NDUFS4: variants seen among roughly 807,000 people sequenced by gnomAD.
NDUFS4 encodes NADH:ubiquinone oxidoreductase subunit S4, also known as NADH dehydrogenase [ubiquinone] iron-sulfur protein 4, mitochondrial.
NDUFS4 carries 28 observed loss-of-function variants against 24.3 expected under a neutral mutation model. That is an observed-to-expected ratio of 1.15 (90% confidence interval 0.85 to 1.58). NDUFS4 has a LOEUF of 1.58. Ranked by LOEUF, NDUFS4 falls within the 40% of genes most tolerant of loss-of-function variation. The pLI is 0.00. For missense variants in NDUFS4, 223 were observed against 207.9 expected (o/e 1.07, Z -0.45); for synonymous variants, 93 against 69.7 (o/e 1.34, Z -1.67).
chr5:53,660,647 C>T (rs958978772), intron 4 of NDUFS4, among the ~76,000 whole-genome samples: 30 of 152,108 alleles, frequency 2.0e-4, no homozygotes, highest in African/African-American at 6.5e-4. Flanking sequence ...TTCTCCACAT[C>T]CTCTCCAGCA....
At chr5:53,573,785 G>T in intron 1 of NDUFS4, 1 of 259,436 alleles carries the variant, frequency 3.9e-6, no homozygotes, top group South Asian at 3.9e-5. Flanking sequence ...TGTAGAGACA[G>T]GTTGCTATAT....
Position 53,640,456 on chromosome 5 carries a change from G to C in NDUFS4, c.178-5777G>C, listed in dbSNP as rs148914337. Among the ~76,000 whole-genome samples, 1,053 of 152,248 alleles carry C rather than the reference G, an allele frequency of 6.9e-3. 16 individuals are homozygous for C. The highest frequency in any genetic ancestry group is 0.024 in the African/African-American group (1,008 of 41,556). ...GTTTATGGTTCTGTAGGCTGTGCAA[G>C]AAGCATGGTGCCATCATATGCTTCT... is the stretch of plus-strand genomic sequence containing the variant. On this transcript the variant is annotated intron_variant, in intron 2 of 4. Transcript: ENST00000296684.
intron 2 of NDUFS4, among the ~76,000 whole-genome samples, chr5:53,618,358 A>T (rs2112474902): frequency 6.6e-6 from 1 of 152,094 alleles, no homozygotes; most frequent in East Asian, 1.9e-4. Flanking sequence ...TGGAGTTGTT[A>T]GCCTGGAGAG....
intron 3 of NDUFS4, among the ~76,000 whole-genome samples, chr5:53,648,242 G>T (rs1211603311): frequency 6.6e-6 from 1 of 152,128 alleles, no homozygotes; most frequent in Non-Finnish European, 1.5e-5. Context: ...ATAAGGAAGG[G>T]ATGGAATCGG....
chr5:53,608,866 A>G (rs1240342008), intron 2 of NDUFS4, among the ~76,000 whole-genome samples: 1 of 152,208 alleles, frequency 6.6e-6, no homozygotes, highest in Non-Finnish European at 1.5e-5. Flanking sequence ...TAACAATTGT[A>G]TTGTATTATA....
chr5:53,603,932 C>T (rs1750414320), intron 2 of NDUFS4, among the ~76,000 whole-genome samples: 1 of 152,056 alleles, frequency 6.6e-6, no homozygotes, highest in Admixed American at 6.5e-5. Context: ...TTTATTATCA[C>T]TATATGTATA....
At chr5:53,586,110 C>T (rs574510155) in intron 1 of NDUFS4, among the ~76,000 whole-genome samples, 104 of 152,084 alleles carry the variant, frequency 6.8e-4, no homozygotes, top group Non-Finnish European at 1.1e-3. Flanking sequence ...AGGTGGATCA[C>T]TTGAGGTCAG....
At chr5:53,565,984 C>A (rs1022863228) in intron 1 of NDUFS4, among the ~76,000 whole-genome samples, 7 of 151,208 alleles carry the variant, frequency 4.6e-5, no homozygotes, top group African/African-American at 1.7e-4. Flanking sequence ...CCAGCCTGGC[C>A]AACATGGTGA....
chr5:53,653,069 T>C (rs534932779), intron 3 of NDUFS4, among the ~76,000 whole-genome samples: 2 of 152,182 alleles, frequency 1.3e-5, no homozygotes, highest in Non-Finnish European at 1.5e-5. Context: ...TTAATGTACA[T>C]TGGTCATTGA....
chr5:53,587,580 C>CT (rs11331609), intron 1 of NDUFS4, among the ~76,000 whole-genome samples: 46 of 143,062 alleles, frequency 3.2e-4, no homozygotes, highest in African/African-American at 5.2e-4. Flanking sequence ...TCCCTAAATA[C>CT]TTTTTTTTTT....
intron 2 of NDUFS4, among the ~76,000 whole-genome samples, chr5:53,618,955 A>G (rs1750940418): frequency 6.6e-6 from 1 of 151,602 alleles, no homozygotes; most frequent in Non-Finnish European, 1.5e-5. Flanking sequence ...CCCTACTAAA[A>G]TACAAAACAT....
intron 4 of NDUFS4, among the ~76,000 whole-genome samples, chr5:53,662,822 C>G (rs116723832): frequency 0.019 from 2,861 of 151,886 alleles, 54 homozygotes; most frequent in Middle Eastern, 0.078. Context: ...TAACTAAGAT[C>G]AGTTCTGCCC....
intron 2 of NDUFS4, among the ~76,000 whole-genome samples, chr5:53,605,352 G>T (rs575523904): frequency 1.3e-5 from 2 of 152,218 alleles, no homozygotes; most frequent in East Asian, 3.9e-4. Context: ...TAACTCTCAG[G>T]AGGTTGCCTT....
At position 53,621,847 on chromosome 5, in the gene NDUFS4, G is replaced by A. The variant is rs545988290; in HGVS notation, c.177+18317G>A. 9.2e-5 allele frequency among the ~76,000 whole-genome samples: 14 copies of A among 151,566 alleles called. No homozygotes were observed. In the South Asian group the frequency reaches 1.9e-3, roughly 20 times the overall value. ...CTCCCGTGTAGCTGGGACTACAGGC[G>A]TGCGCCACCATGCCCGGCTAATTTT... On this transcript the variant is annotated intron_variant, in intron 2 of 4. Transcript: ENST00000296684.
At chr5:53,594,999 G>A (rs1361720454) in intron 1 of NDUFS4, among the ~76,000 whole-genome samples, 3 of 151,960 alleles carry the variant, frequency 2.0e-5, no homozygotes, top group African/African-American at 7.3e-5. Context: ...AGGATGGCCA[G>A]TTGTCTCAAT....
intron 4 of NDUFS4, among the ~76,000 whole-genome samples, chr5:53,668,466 GT>G (rs1752578174): frequency 6.6e-6 from 1 of 151,596 alleles, no homozygotes. Flanking sequence ...TTTTGGAGGG[GT>G]TCGGGGCTGG....
chr5:53,643,128 A>G (rs1751750340), intron 2 of NDUFS4, among the ~76,000 whole-genome samples: 1 of 152,166 alleles, frequency 6.6e-6, no homozygotes, highest in African/African-American at 2.4e-5. Flanking sequence ...TAGAATTTAC[A>G]GATAATTATT....
intron 4 of NDUFS4, among the ~76,000 whole-genome samples, chr5:53,675,422 A>G (rs899816107): frequency 3.3e-5 from 5 of 152,056 alleles, no homozygotes; most frequent in African/African-American, 9.7e-5. Flanking sequence ...TTGGCCTCCC[A>G]AAGTGCTGGG....
intron 4 of NDUFS4, among the ~76,000 whole-genome samples, chr5:53,667,871 T>C (rs1752565171): frequency 6.6e-6 from 1 of 152,144 alleles, no homozygotes; most frequent in Admixed American, 6.5e-5. Flanking sequence ...TTGGATTGGG[T>C]GATGTCCAAA....
Sources: gnomAD v4.1 joint callset for allele counts (sites outside exome capture counted in the v4.1 genomes callset) on GRCh38, gnomAD v4.1.1 for gene constraint, MANE v1.5 for transcripts, NCBI Gene and HGNC (gene_info 2026-07-23, HGNC 2026-07-21) for gene names.